Variants in TASOR2 observed in about 807,000 individuals in gnomAD.
TASOR2 encodes transcription activation suppressor family member 2, also known as protein TASOR 2.
TASOR2 carries 84 observed loss-of-function variants against 199.5 expected under a neutral mutation model. The observed-to-expected ratio is 0.42, with a 90% CI of 0.35 to 0.50. The LOEUF (loss-of-function observed/expected upper bound fraction) is 0.50. Among genes scored for constraint, TASOR2 ranks in the 20% least tolerant of loss-of-function variants. The pLI, the probability that TASOR2 is intolerant of heterozygous loss-of-function variation, is 0.02. For missense variants in TASOR2, 2,796 were observed against 2,835.9 expected (o/e 0.99, Z 0.32); for synonymous variants, 1,103 against 1,046.6 (o/e 1.05, Z -1.04).
At position 5,701,759 on chromosome 10, in the gene TASOR2, T is replaced by A. The variant is rs1002945266; in HGVS notation, c.-287-11064T>A. Among the ~76,000 whole-genome samples, 1 of 152,254 alleles carries A rather than the reference T, an allele frequency of 6.6e-6. No individual in the cohort carries two copies. The highest frequency in any genetic ancestry group is 2.4e-5 in the African/African-American group (1 of 41,476). ...TTGCTTTCTTGATTTCTTTTTCAGA[T>A]TGCTTGCAGTTGGTGTATACCAACG... On this transcript the variant is annotated intron_variant, in intron 1 of 20. Transcript: ENST00000328090. This position sits in a 1 kb window ranked among gnomAD's most constrained non-coding sequence, Gnocchi z 4.9.
At chr10:5,716,878 G>A (rs192066065) in intron 2 of TASOR2, among the ~76,000 whole-genome samples, 7 of 150,820 alleles carry the variant, frequency 4.6e-5, no homozygotes, top group African/African-American at 1.2e-4. Flanking sequence ...TCAACAGAGC[G>A]AGACTGTCTC....
chr10:5,746,753 C>A (rs1307436484), exon 15 of TASOR2: 2 of 1,613,968 alleles, frequency 1.2e-6, no homozygotes, highest in Non-Finnish European at 1.7e-6. Context: ...AGGGACATTC[C>A]CTCTCTAGTA....
At chr10:5,714,282 A>G (rs1203363806) in intron 2 of TASOR2, 75 bp downstream of exon 3, 8 of 910,536 alleles carry the variant, frequency 8.8e-6, no homozygotes, top group Admixed American at 4.3e-5. Context: ...CATTAGTTTT[A>G]TAAGATATGT....
Position 5,730,566 on chromosome 10 carries a change from A to G in TASOR2, c.567A>G (p.Leu189=). 1 of 1,614,194 alleles carries G rather than the reference A, an allele frequency of 6.2e-7. No homozygotes were observed. The highest frequency in any genetic ancestry group is 8.5e-7 in the Non-Finnish European group (1 of 1,180,008). Residue 189 remains leucine, a synonymous_variant, in exon 11 of 21, where the codon CTA becomes CTG. Coordinates refer to ENST00000328090, the Ensembl canonical transcript of TASOR2. This position sits in a 1 kb window ranked among gnomAD's most constrained non-coding sequence, Gnocchi z 4.1. ...TATCTACCCTTAATTGTGCCCTGCT[A>G]GAAACAAAGAAATCACTTCCTGAAG...
intron 1 of TASOR2, among the ~76,000 whole-genome samples, chr10:5,711,626 C>T (rs1210940703): frequency 6.6e-6 from 1 of 152,072 alleles, no homozygotes; most frequent in African/African-American, 2.4e-5. Flanking sequence ...AATCAAAAGG[C>T]ACAAAGAGTC....
intron 2 of TASOR2, 32 bp from the exon 3 acceptor site, chr10:5,714,103 A>G (rs893892556): frequency 1.7e-6 from 2 of 1,163,466 alleles, no homozygotes; most frequent in African/African-American, 3.2e-5. Flanking sequence ...CATTGCTTCA[A>G]AGACTGAAGC....
intron 8 of TASOR2, among the ~76,000 whole-genome samples, chr10:5,724,899 TAAC>T (rs1015147410): frequency 1.3e-5 from 2 of 151,946 alleles, no homozygotes; most frequent in African/African-American, 4.8e-5. Flanking sequence ...AGTAAGAGAT[TAAC>T]AACAATAATA....
At chr10:5,755,025 A>G (rs972236861) in intron 15 of TASOR2, among the ~76,000 whole-genome samples, 10 of 143,894 alleles carry the variant, frequency 6.9e-5, no homozygotes, top group African/African-American at 1.6e-4. Context: ...CAGCCTGGGC[A>G]ACAGAGCAAG....
Position 5,689,350 on chromosome 10 carries a change from C to T in TASOR2, c.-288+4175C>T, listed in dbSNP as rs1457247727. On this transcript the variant is annotated intron_variant, in intron 1 of 20. Coordinates refer to ENST00000328090, the Ensembl canonical transcript of TASOR2. The surrounding 1 kb of genome is among the most constrained non-coding windows in gnomAD (Gnocchi z 4.1). ...GGTGCGGTGGCTCACGCCTGTAATC[C>T]CAGCACTTTGGGTGGCCGAGGTGGG... is the stretch of plus-strand genomic sequence containing the variant. Among the ~76,000 whole-genome samples, 1 of 152,112 alleles carries T rather than the reference C, an allele frequency of 6.6e-6. No homozygotes were observed. Among genetic ancestry groups the T allele is most frequent in the Non-Finnish European group, 1.5e-5 (1 of 68,018 alleles).
chr10:5,693,328 A>G (rs1464971501), intron 1 of TASOR2, among the ~76,000 whole-genome samples: 1 of 152,168 alleles, frequency 6.6e-6, no homozygotes, highest in Non-Finnish European at 1.5e-5. Context: ...GGGATTGCAC[A>G]TTGACTTTGC....
chr10:5,742,174 G>T lies in TASOR2; in HGVS notation c.2405G>T (p.Ser802Ile), dbSNP rs1588847650. 6.2e-7 allele frequency: 1 copy of T among 1,614,148 alleles called. No homozygotes were observed. Among genetic ancestry groups the T allele is most frequent in the Non-Finnish European group, 8.5e-7 (1 of 1,180,004 alleles). Residue 802 changes from serine (S) to isoleucine (I), a missense_variant, in exon 14 of 21, where the codon AGC becomes ATC. Physicochemically the swap from Ser to Ile is moderately radical, Grantham distance 142. Coordinates refer to ENST00000328090, the Ensembl canonical transcript of TASOR2. This position sits in a 1 kb window ranked among gnomAD's most constrained non-coding sequence, Gnocchi z 4.2. ...CATATGTGGGTAGCTCTGTTTTACA[G>T]CAATCAGAACAAAATCATACGATCT... is the stretch of plus-strand genomic sequence containing the variant.
intron 8 of TASOR2, among the ~76,000 whole-genome samples, chr10:5,725,617 CT>C (rs5782857): frequency 0.85 from 127,269 of 150,090 alleles, 53,967 homozygotes; most frequent in African/African-American, 0.88. Flanking sequence ...AATTAAAAAA[CT>C]TTTTTTTTTT....
exon 15 of TASOR2, chr10:5,746,913 A>G: frequency 6.2e-7 from 1 of 1,614,232 alleles, no homozygotes; most frequent in Non-Finnish European, 8.5e-7. Context: ...CACTATCATT[A>G]GCTAAAAGTT....
At position 5,737,022 on chromosome 10, in the gene TASOR2, C is replaced by T. The variant is rs747810024; in HGVS notation, c.1447+1476C>T. Among the ~76,000 whole-genome samples, 1 of 152,152 alleles carries T rather than the reference C, an allele frequency of 6.6e-6. No homozygotes were observed. Among genetic ancestry groups the T allele is most frequent in the Non-Finnish European group, 1.5e-5 (1 of 68,038 alleles). On this transcript the variant is annotated intron_variant, in intron 12 of 20. Coordinates refer to ENST00000328090, the Ensembl canonical transcript of TASOR2. The surrounding 1 kb of genome is among the most constrained non-coding windows in gnomAD (Gnocchi z 4.9). ...GTCACCAGGCTGGAGTGCAGTAGCA[C>T]GATCTCGGCTCACTGCAACCTCTGC...
rs1838488908 is a variant in TASOR2 at position 5,754,143 on chromosome 10, AAAAAT to A, written c.6607-2465_6607-2461del. On this transcript the variant is annotated intron_variant, in intron 15 of 20. Coordinates refer to ENST00000328090, the Ensembl canonical transcript of TASOR2. This position sits in a 1 kb window ranked among gnomAD's most constrained non-coding sequence, Gnocchi z 4.3. ...AATATAGTGAAACCCCGTCTCTACT[AAAAAT>A]AAAAAAATTAGCCGGGTGTGGCGGC... 6.6e-6 allele frequency among the ~76,000 whole-genome samples: 1 copy of A among 152,096 alleles called. No individual in the cohort carries two copies. The highest frequency in any genetic ancestry group is 6.5e-5 in the Admixed American group (1 of 15,270).
chr10:5,730,573 A>C lies in TASOR2; in HGVS notation c.574A>C (p.Lys192Gln), dbSNP rs200307167. The C allele has an allele frequency of 2.1e-3, 3,446 of 1,614,220 alleles. 5 individuals carry two copies. The highest frequency in any genetic ancestry group is 2.8e-3 in the Non-Finnish European group (3,251 of 1,180,032). Residue 192 changes from lysine to glutamine, a missense_variant, in exon 11 of 21, where the codon AAG becomes CAG. Physicochemically the swap from Lys to Gln is moderately conservative, Grantham distance 53. This residue lies in a region of TASOR2 where 847 missense variants were observed against 887.4 expected (regional missense o/e 0.95). Coordinates refer to ENST00000328090, the Ensembl canonical transcript of TASOR2. The surrounding 1 kb of genome is among the most constrained non-coding windows in gnomAD (Gnocchi z 4.1). ...CCTTAATTGTGCCCTGCTAGAAACA[A>C]AGAAATCACTTCCTGAAGAAAGAAT...
chr10:5,731,912 TCG>T (rs1195784891), intron 11 of TASOR2, among the ~76,000 whole-genome samples: 1 of 152,172 alleles, frequency 6.6e-6, no homozygotes, highest in Non-Finnish European at 1.5e-5. Context: ...TCAACACCTA[TCG>T]AGAGGAGGGA....
Position 5,690,451 on chromosome 10 carries a change from C to T in TASOR2, c.-288+5276C>T, listed in dbSNP as rs927777556. Among the ~76,000 whole-genome samples the T allele has an allele frequency of 6.6e-6, 1 of 152,182 alleles. No homozygotes were observed. Among genetic ancestry groups the T allele is most frequent in the Non-Finnish European group, 1.5e-5 (1 of 68,020 alleles). On this transcript the variant is annotated intron_variant, in intron 1 of 20. Coordinates refer to ENST00000328090, the Ensembl canonical transcript of TASOR2. The surrounding 1 kb of genome is among the most constrained non-coding windows in gnomAD (Gnocchi z 4.8). The stretch of plus-strand genomic sequence containing the variant: ...GAAGGAATATTCAAGATCCCAATGC[C>T]TGAGGTTTGTCCAGTTGGGGCACCT...
At chr10:5,747,723 G>T in exon 15 of TASOR2, 1 of 1,614,170 alleles carries the variant, frequency 6.2e-7, no homozygotes, top group Non-Finnish European at 8.5e-7. Context: ...AGTGTGAGAA[G>T]AGCAACCAAA....
Sources: allele counts gnomAD v4.1 joint callset (sites outside exome capture counted in the v4.1 genomes callset), GRCh38; gene constraint gnomAD v4.1.1; regional missense constraint gnomAD v4.1.1; non-coding constraint Gnocchi (gnomAD v3.1); transcripts MANE v1.5; gene names NCBI Gene and HGNC (gene_info 2026-07-23, HGNC 2026-07-21).